GUCY1A2: variants seen among roughly 807,000 people sequenced by gnomAD.
GUCY1A2 encodes guanylate cyclase 1 soluble subunit alpha 2, also known as guanylate cyclase soluble subunit alpha-2.
In GUCY1A2, 27 loss-of-function variants were observed where a neutral mutation model predicts 63.5. The ratio of observed to expected loss-of-function variants is 0.43; its 90% CI spans 0.31 to 0.59. The LOEUF is 0.59. Among genes scored for constraint, GUCY1A2 ranks in the 20% least tolerant of loss-of-function variants. The pLI, the probability that GUCY1A2 is intolerant of heterozygous loss-of-function variation, is 0.11. For synonymous variants in GUCY1A2, 364 were observed against 343.5 expected (o/e 1.06, Z -0.66); for missense variants, 768 against 913.3 (o/e 0.84, Z 2.05).
At chr11:106,767,890 ATAAAAAT>A (rs1864190473) in intron 6 of GUCY1A2, among the ~76,000 whole-genome samples, 2 of 149,260 alleles carry the variant, frequency 1.3e-5, no homozygotes, top group South Asian at 4.2e-4. Flanking sequence ...TGCTCAATAA[ATAAAAAT>A]AATTAAATAG....
chr11:106,826,899 A>C (rs1858978680), intron 4 of GUCY1A2: 1 of 1,608,216 alleles, frequency 6.2e-7, no homozygotes, highest in East Asian at 2.2e-5. Flanking sequence ...CTCCTAGATC[A>C]AAACTGTTAC....
chr11:106,823,928 C>A, intron 4 of GUCY1A2: 1 of 403,812 alleles, frequency 2.5e-6, no homozygotes, highest in Non-Finnish European at 4.3e-6. Context: ...GCTTTATTTG[C>A]ATTCTTGTAA....
At chr11:106,763,136 G>A (rs1864095089) in intron 6 of GUCY1A2, among the ~76,000 whole-genome samples, 2 of 152,118 alleles carry the variant, frequency 1.3e-5, no homozygotes, top group South Asian at 4.2e-4. Context: ...ACGTATATTT[G>A]GAAAATGTGA....
chr11:106,966,837 G>A (rs1005838697), intron 3 of GUCY1A2, among the ~76,000 whole-genome samples: 3 of 152,092 alleles, frequency 2.0e-5, no homozygotes, highest in Admixed American at 6.6e-5. Context: ...AAAATGTACT[G>A]ACAAATTAAG....
At chr11:106,747,267 C>T (rs1278029835) in intron 6 of GUCY1A2, among the ~76,000 whole-genome samples, 2 of 151,602 alleles carry the variant, frequency 1.3e-5, no homozygotes, top group African/African-American at 4.8e-5. Flanking sequence ...GGATTACAGG[C>T]GTAAGCCACC....
At chr11:106,759,234 T>G (rs1297552925) in intron 6 of GUCY1A2, among the ~76,000 whole-genome samples, 1 of 151,798 alleles carries the variant, frequency 6.6e-6, no homozygotes, top group African/African-American at 2.4e-5. Context: ...TCCCTACAGA[T>G]TTAAGGCCCA....
intron 6 of GUCY1A2, among the ~76,000 whole-genome samples, chr11:106,767,803 C>G (rs1477003646): frequency 6.6e-6 from 1 of 151,708 alleles, no homozygotes; most frequent in African/African-American, 2.4e-5. Context: ...GTAGATCTGT[C>G]TATAAATAAA....
intron 6 of GUCY1A2, among the ~76,000 whole-genome samples, chr11:106,725,326 C>T (rs1397499710): frequency 2.5e-5 from 2 of 81,556 alleles, no homozygotes; most frequent in East Asian, 4.5e-4. Flanking sequence ...GCGCCCGCCA[C>T]TACGCCCGGC....
chr11:106,999,117 C>A (rs1861580386), intron 1 of GUCY1A2, among the ~76,000 whole-genome samples: 1 of 152,156 alleles, frequency 6.6e-6, no homozygotes, highest in Non-Finnish European at 1.5e-5. Context: ...CTTTCCACTC[C>A]TATGCAGGTC....
At chr11:106,910,656 T>C (rs1458516429) in intron 4 of GUCY1A2, among the ~76,000 whole-genome samples, 3 of 151,990 alleles carry the variant, frequency 2.0e-5, no homozygotes, top group Admixed American at 1.3e-4. Context: ...GAATGGAAAT[T>C]ATGCATACTG....
chr11:106,705,129 A>G (rs1468987575), intron 7 of GUCY1A2, among the ~76,000 whole-genome samples: 2 of 152,216 alleles, frequency 1.3e-5, no homozygotes, highest in Middle Eastern at 6.8e-3. Flanking sequence ...AAACTTTGTG[A>G]TAATTAAAAA....
Position 106,855,893 on chromosome 11 carries a change from TTTTATTTATTTATTTATTTA to T in GUCY1A2, c.1207-45435_1207-45416del, listed in dbSNP as rs200600627. On this transcript the variant is annotated intron_variant, in intron 4 of 7. Coordinates refer to ENST00000526355, the MANE Select transcript of GUCY1A2 (RefSeq NM_000855.3). Reference sequence around the variant, plus strand: ...GTTTTATCTGTTTGGGTCTCTTGTATTTTATTTATTTATTTATTTATTTATTTATTTATTTATTTATTTAT... The same window carrying T: ...GTTTTATCTGTTTGGGTCTCTTGTATTTTATTTATTTATTTATTTATTTAT... Among the ~76,000 whole-genome samples the T allele has an allele frequency of 3.2e-5, 3 of 94,432 alleles. No homozygotes were observed. The Admixed American group carries it at 3.8e-4, about 12-fold the overall frequency. The allele number at this position is 94,432 out of a possible 152,430, so 62.0% of individuals were successfully genotyped here.
chr11:106,926,744 A>G, intron 4 of GUCY1A2, among the ~76,000 whole-genome samples: 1 of 151,964 alleles, frequency 6.6e-6, no homozygotes, highest in East Asian at 2.0e-4. Flanking sequence ...GTCACACTGT[A>G]AAACAATGGT....
chr11:107,016,142 G>A (rs1861820230), intron 1 of GUCY1A2, among the ~76,000 whole-genome samples: 1 of 152,152 alleles, frequency 6.6e-6, no homozygotes, highest in South Asian at 2.1e-4. Context: ...CTCCTTCTTA[G>A]GTCCCCCCTA....
chr11:106,956,225 C>G (rs1412826372), intron 3 of GUCY1A2, among the ~76,000 whole-genome samples: 1 of 151,936 alleles, frequency 6.6e-6, no homozygotes, highest in Non-Finnish European at 1.5e-5. Flanking sequence ...TGGGTTAGAA[C>G]AAGCTCCTTT....
At chr11:106,791,558 T>C (rs1284423499) in intron 5 of GUCY1A2, among the ~76,000 whole-genome samples, 4 of 152,274 alleles carry the variant, frequency 2.6e-5, no homozygotes, top group Admixed American at 2.6e-4. Flanking sequence ...TGGAAACTTC[T>C]GTTCTTCCAT....
chr11:106,922,968 G>A (rs73553855), intron 4 of GUCY1A2, among the ~76,000 whole-genome samples: 105 of 151,916 alleles, frequency 6.9e-4, no homozygotes, highest in African/African-American at 2.5e-3. Context: ...ACCTGTTGTA[G>A]AAACATACTA....
chr11:106,995,101 T>C (rs1052894416), intron 1 of GUCY1A2, among the ~76,000 whole-genome samples: 1 of 152,176 alleles, frequency 6.6e-6, no homozygotes, highest in Admixed American at 6.5e-5. Context: ...GGCTTCCATC[T>C]TAAAGCCCAA....
At chr11:106,691,983 C>G (rs1421684314) in intron 7 of GUCY1A2, among the ~76,000 whole-genome samples, 1 of 152,084 alleles carries the variant, frequency 6.6e-6, no homozygotes, top group Non-Finnish European at 1.5e-5. Flanking sequence ...TCATTTCACA[C>G]AGCATGCCTG....
Sources: gnomAD v4.1 joint callset for allele counts (sites outside exome capture counted in the v4.1 genomes callset) on GRCh38, gnomAD v4.1.1 for gene constraint, MANE v1.5 for transcripts, NCBI Gene and HGNC (gene_info 2026-07-23, HGNC 2026-07-21) for gene names.